The following CLCN2 variants were observed in gnomAD, a reference collection of about 807,000 sequenced individuals.
CLCN2 encodes the protein chloride channel protein 2.
A neutral mutation model predicts 108.3 loss-of-function variants in CLCN2; 72 were observed. The ratio of observed to expected loss-of-function variants is 0.66; its 90% confidence interval spans 0.55 to 0.81. CLCN2 has a LOEUF of 0.81. Among genes scored for constraint, CLCN2 ranks in the 30% least tolerant of loss-of-function variants. CLCN2 has a pLI of 0.00. For synonymous variants in CLCN2, 471 were observed against 467.1 expected, an observed-to-expected ratio of 1.01 and a Z score of -0.11; for missense variants, 1,048 against 1,205.2, an observed-to-expected ratio of 0.87 and a Z score of 1.93.
chr3:184,355,473 C>T lies in CLCN2; in HGVS notation c.1227G>A (p.Gln409=). Residue 409 remains glutamine, a synonymous_variant, in exon 12 of 24, where the codon CAG becomes CAA. Coordinates refer to ENST00000265593, the MANE Select transcript of CLCN2 (RefSeq NM_004366.6). This position sits in a 1 kb window ranked among gnomAD's most constrained non-coding sequence, Gnocchi z 6.3. ...TLFDNRTWVR[Q]GLVEELEPPS... ...GTGGTTCTAGCTCCTCCACCAGGCC[C>T]TGGCGGACCCACGTCCGATTGTCAA... 1 of 1,614,086 alleles carries T rather than the reference C, an allele frequency of 6.2e-7. No individual in the cohort carries two copies. Among genetic ancestry groups the T allele is most frequent in the African/African-American group, 1.3e-5 (1 of 75,032 alleles).
At chr3:184,358,592 G>A (rs1225435836) in intron 3 of CLCN2, 90 bp downstream of exon 3, 10 of 1,520,348 alleles carry the variant, frequency 6.6e-6, no homozygotes, top group Non-Finnish European at 8.0e-6. Context: ...TGGCCAAGAA[G>A]CCAAGACGCC....
At chr3:184,352,357 A>T (rs1313909479) in intron 20 of CLCN2, 26 bp from the exon 21 acceptor site, 7 of 1,613,734 alleles carry the variant, frequency 4.3e-6, no homozygotes, top group Non-Finnish European at 5.1e-6. Flanking sequence ...GGAGGCTGGC[A>T]GCTAGGGGCT....
chr3:184,354,870 T>A, intron 13 of CLCN2, 34 bp downstream of exon 13: 1 of 1,606,798 alleles, frequency 6.2e-7, no homozygotes, highest in South Asian at 1.1e-5. Flanking sequence ...CTGAGGAAGG[T>A]GCAGGCTGGG....
At chr3:184,353,443 G>T (rs915281520) in intron 16 of CLCN2, 21 bp from the exon 17 acceptor site, 1 of 1,591,338 alleles carries the variant, frequency 6.3e-7, no homozygotes, top group South Asian at 1.1e-5. Flanking sequence ...CAGGTGGAAG[G>T]ACTCAGGAGC....
At chr3:184,350,728 C>A (rs960502623) in intron 22 of CLCN2, among the ~76,000 whole-genome samples, 5 of 152,134 alleles carry the variant, frequency 3.3e-5, no homozygotes, top group African/African-American at 9.7e-5. Context: ...TAAGCCACTG[C>A]GCCAGTTCTG....
intron 13 of CLCN2, 103 bp from the exon 14 acceptor site, chr3:184,354,761 T>C: frequency 7.7e-7 from 1 of 1,302,584 alleles, no homozygotes; most frequent in African/African-American, 1.5e-5. Context: ...CAACGGGTCA[T>C]TCAGTGTAGG....
chr3:184,353,643 G>A lies in CLCN2; in HGVS notation c.1855+19C>T, dbSNP rs959800051. ...CCCTGGGCAATGCCCCTAGCACCTG[G>A]GACCCCTCCTGGCCTCACCAGGGGA... is the stretch of plus-strand genomic sequence containing the variant. On this transcript the variant is annotated intron_variant, in intron 16 of 23. Transcript: ENST00000265593. 1.9e-6 allele frequency: 3 copies of A among 1,611,582 alleles called. No individual in the cohort carries two copies. Among genetic ancestry groups the A allele is most frequent in the African/African-American group, 1.3e-5 (1 of 75,002 alleles).
At chr3:184,348,354 T>C (rs1372707066) in intron 22 of CLCN2, 1 of 152,090 alleles carries the variant, frequency 6.6e-6, no homozygotes, top group Non-Finnish European at 1.5e-5. Context: ...GACATAGTGG[T>C]GCATGCCTGC....
rs1351157251 is a variant in CLCN2, at chr3:184,358,675, C to A, written c.352+7G>T. The stretch of plus-strand genomic sequence containing the variant: ...CCAGTCCTCCCCCTGCCAGCTGTCA[C>A]CCTCACCTTGCAGACAGGCAGCAAT... On this transcript the variant is annotated splice_region_variant and intron_variant, in intron 3 of 23. Coordinates refer to ENST00000265593, the MANE Select transcript of CLCN2 (RefSeq NM_004366.6). 1 of 1,569,462 alleles carries A rather than the reference C, an allele frequency of 6.4e-7. No individual in the cohort carries two copies. The highest frequency in any genetic ancestry group is 8.6e-7 in the Non-Finnish European group (1 of 1,156,088).
intron 19 of CLCN2, 43 bp from the exon 20 acceptor site, chr3:184,352,539 G>A (rs1375041421): frequency 8.1e-6 from 13 of 1,598,400 alleles, no homozygotes; most frequent in Middle Eastern, 3.3e-4. Flanking sequence ...GAGGAGTTGA[G>A]GTTATAGGGA....
At chr3:184,352,929 C>G (rs1728230274) in intron 18 of CLCN2, 104 bp downstream of exon 18, 1 of 1,523,682 alleles carries the variant, frequency 6.6e-7, no homozygotes, top group African/African-American at 1.4e-5. Context: ...ATGTGGGCAG[C>G]CTCTTCCAGC....
In CLCN2 at chr3:184,346,747, C is replaced by A; in HGVS notation, c.2556G>T (p.Pro852=). 6.2e-7 allele frequency: 1 copy of A among 1,614,124 alleles called. No homozygotes were observed. The highest frequency in any genetic ancestry group is 8.5e-7 in the Non-Finnish European group (1 of 1,180,030). ...SVTAQGVKVR[P]PLASFRDSAT... is the part of the protein sequence containing the mutation. Reference sequence around the variant, plus strand: ...CACTGTCTCGGAAGCTGGCGAGGGGCGGCCGGACTTTCACACCCTGTGCTG... The same window carrying A: ...CACTGTCTCGGAAGCTGGCGAGGGGAGGCCGGACTTTCACACCCTGTGCTG... The change falls in exon 24 of 24, where the codon CCG becomes CCT. Residue 852 remains proline, a synonymous_variant. Coordinates refer to ENST00000265593, the MANE Select transcript of CLCN2 (RefSeq NM_004366.6). The surrounding 1 kb of genome is among the most constrained non-coding windows in gnomAD (Gnocchi z 6.0).
At chr3:184,354,077 C>T in intron 15 of CLCN2, 24 bp downstream of exon 15, 1 of 1,607,990 alleles carries the variant, frequency 6.2e-7, no homozygotes, top group Non-Finnish European at 8.5e-7. Context: ...ACCCACAGCC[C>T]CCTTGGCACC....
chr3:184,355,726 G>T lies in CLCN2; in HGVS notation c.1138C>A (p.Pro380Thr). The change falls in exon 11 of 24, where the codon CCC becomes ACC. Residue 380 changes from proline (P) to threonine (T), a missense_variant. By Grantham distance (38) the Pro-to-Thr change is conservative. Coordinates refer to ENST00000265593, the MANE Select transcript of CLCN2 (RefSeq NM_004366.6). This position sits in a 1 kb window ranked among gnomAD's most constrained non-coding sequence, Gnocchi z 6.3. ...GCCATGAACTGTCCAAAGCCAGGGG[G>T]GAAGGTCAGCGTGGAGATGAGCAGG... is the stretch of plus-strand genomic sequence containing the variant. ...VTLLISTLTF[P>T]PGFGQFMAGQ... The T allele has an allele frequency of 6.2e-7, 1 of 1,614,206 alleles. No individual in the cohort carries two copies. Among genetic ancestry groups the T allele is most frequent in the Non-Finnish European group, 8.5e-7 (1 of 1,180,030 alleles).
At position 184,352,415 on chromosome 3, in the gene CLCN2, G is replaced by A. The variant is rs202151853; in HGVS notation, c.2271+28C>T. The A allele has an allele frequency of 2.9e-5, 47 of 1,612,912 alleles. No homozygotes were observed. The East Asian group carries it at 3.8e-4, about 13-fold the overall frequency. On this transcript the variant is annotated intron_variant, in intron 20 of 23. Transcript: ENST00000265593. ...CCTGCCCTCCCTGCCCGGTGCCGCCGAGATGCTAGAAGAGCAGGCATACTT... is the reference window on the plus strand; with the variant it reads ...CCTGCCCTCCCTGCCCGGTGCCGCCAAGATGCTAGAAGAGCAGGCATACTT...
At position 184,361,194 on chromosome 3, in the gene CLCN2, T is replaced by C. The variant is rs554286920; in HGVS notation, c.63+223A>G. ...TGAGGGGAAGGACACCTGAGACAAG[T>C]ACCTGGTGTCCTTGTCCTCTGCAGG... On this transcript the variant is annotated intron_variant, in intron 1 of 23. Coordinates refer to ENST00000265593, the MANE Select transcript of CLCN2 (RefSeq NM_004366.6). This position sits in a 1 kb window ranked among gnomAD's most constrained non-coding sequence, Gnocchi z 6.6. Among the ~76,000 whole-genome samples, 3 of 152,270 alleles carry C rather than the reference T, an allele frequency of 2.0e-5. No homozygotes were observed. The South Asian group carries it at 6.2e-4, about 32-fold the overall frequency.
intron 22 of CLCN2, among the ~76,000 whole-genome samples, chr3:184,350,517 C>T (rs73053778): frequency 0.14 from 20,562 of 152,054 alleles, 1,587 homozygotes; most frequent in African/African-American, 0.22. Context: ...CTCACTGCAA[C>T]GTCCACCTCC....
At position 184,355,882 on chromosome 3, in the gene CLCN2, C is replaced by T; in HGVS notation, c.1086-104G>A. On this transcript the variant is annotated intron_variant, in intron 10 of 23. Coordinates refer to ENST00000265593, the MANE Select transcript of CLCN2 (RefSeq NM_004366.6). The surrounding 1 kb of genome is among the most constrained non-coding windows in gnomAD (Gnocchi z 6.3). ...CAGAGCCTTGGCTCTTTCATGAAAA[C>T]ACTCAGTCCTGACAGAAGGTCTCCT... The T allele has an allele frequency of 3.3e-6, 3 of 896,444 alleles. No homozygotes were observed. The highest frequency in any genetic ancestry group is 5.5e-6 in the Non-Finnish European group (3 of 547,516). 55.5% of individuals were successfully genotyped at this position (896,444 alleles called of 1,614,324 possible).
chr3:184,347,219 A>C, intron 22 of CLCN2, 198 bp from the exon 23 acceptor site: 1 of 637,960 alleles, frequency 1.6e-6, no homozygotes, highest in Non-Finnish European at 2.8e-6. Context: ...AGGCCTCAGG[A>C]ACTTGATACT....
Sources: allele counts gnomAD v4.1 joint callset (sites outside exome capture counted in the v4.1 genomes callset), GRCh38; gene constraint gnomAD v4.1.1; non-coding constraint Gnocchi (gnomAD v3.1); transcripts MANE v1.5; gene names NCBI Gene and HGNC (gene_info 2026-07-23, HGNC 2026-07-21).